CTNND1: variants seen among roughly 807,000 people sequenced by gnomAD.
CTNND1 encodes catenin delta 1.
In CTNND1, 16 loss-of-function variants were observed where a neutral mutation model predicts 112.1. The observed-to-expected ratio is 0.14, with a 90% CI of 0.10 to 0.22. The LOEUF (loss-of-function observed/expected upper bound fraction) is 0.22, where lower values mean the gene tolerates loss of function less well. Among genes scored for constraint, CTNND1 ranks in the 10% least tolerant of loss-of-function variants. The probability of loss-of-function intolerance (pLI) is 1.00; values close to 1 mark genes in which losing one functional copy is unlikely to be tolerated. For missense variants in CTNND1, 1,008 were observed against 1,257.0 expected (o/e 0.80, Z 3.00); for synonymous variants, 420 against 446.5 (o/e 0.94, Z 0.75).
intron 1 of CTNND1, among the ~76,000 whole-genome samples, chr11:57,782,258 G>A (rs1309539641): frequency 6.6e-6 from 1 of 152,166 alleles, no homozygotes; most frequent in East Asian, 1.9e-4. Flanking sequence ...TTCCTAAGAG[G>A]AGGGTGGTCT....
chr11:57,804,456 C>T (rs774877820), intron 8 of CTNND1, among the ~76,000 whole-genome samples: 1 of 152,160 alleles, frequency 6.6e-6, no homozygotes, highest in African/African-American at 2.4e-5. Flanking sequence ...TGGTACATAT[C>T]ATTAATCCCT....
At chr11:57,814,744 T>C (rs902283624) in intron 18 of CTNND1, among the ~76,000 whole-genome samples, 40 of 152,124 alleles carry the variant, frequency 2.6e-4, no homozygotes, top group Admixed American at 2.6e-3. Context: ...ATTCTGCTCA[T>C]GTAATACCTC....
At chr11:57,814,274 T>C (rs372847739) in intron 17 of CTNND1, 37 bp from the exon 18 acceptor site, 1 of 1,520,106 alleles carries the variant, frequency 6.6e-7, no homozygotes, top group Non-Finnish European at 9.1e-7. Flanking sequence ...TTTTGAAGAA[T>C]TGTTTTTGAC....
chr11:57,796,680 G>T lies in CTNND1; in HGVS notation c.644G>T (p.Arg215Leu). ...CACTACCCTCCTGATGGTTATAGTC[G>T]CCACTATGAAGATGGTTATCCAGGT... The part of the protein sequence containing the change: ...NFHYPPDGYS[R>L]HYEDGYPGGS... Residue 215 changes from arginine to leucine, a missense_variant, in exon 6 of 21, where the codon CGC (arginine) becomes CTC (leucine). By Grantham distance (102) the Arg-to-Leu change is moderately radical (BLOSUM62 -2). Transcript: ENST00000399050. 1 of 1,613,970 alleles carries T rather than the reference G, an allele frequency of 6.2e-7. No homozygotes were observed. Among genetic ancestry groups the T allele is most frequent in the Non-Finnish European group, 8.5e-7 (1 of 1,179,896 alleles).
chr11:57,809,423 G>C lies in CTNND1; in HGVS notation c.2392G>C (p.Glu798Gln). 6.2e-7 allele frequency: 1 copy of C among 1,613,704 alleles called. No homozygotes were observed. The highest frequency in any genetic ancestry group is 2.2e-5 in the East Asian group (1 of 44,888). Residue 798 changes from glutamate to glutamine, a missense_variant, in exon 15 of 21, where the codon GAG (glutamate) becomes CAG (glutamine). By Grantham distance (29) the Glu-to-Gln change is conservative (BLOSUM62 2). Transcript: ENST00000399050. ...CTTGGAGGCTGCCAAAAAGCTTCGA[G>C]AGACACAGGGTATTGAGAAGCTGGT... Reference protein sequence around the residue: ...ENLEAAKKLRETQGIEKLVLI... With the variant: ...ENLEAAKKLRQTQGIEKLVLI...
chr11:57,764,519 CCTT>C (rs1256900176), intron 1 of CTNND1, among the ~76,000 whole-genome samples: 3 of 152,038 alleles, frequency 2.0e-5, no homozygotes, highest in Non-Finnish European at 4.4e-5. Flanking sequence ...TAATTTATCT[CCTT>C]CTATTTTGGT....
intron 1 of CTNND1, among the ~76,000 whole-genome samples, chr11:57,786,385 T>G (rs1179720026): frequency 6.6e-6 from 1 of 151,830 alleles, no homozygotes; most frequent in Non-Finnish European, 1.5e-5. Context: ...TACAAAAAAT[T>G]AGCCCGGTGT....
intron 11 of CTNND1, 84 bp downstream of exon 11, chr11:57,806,562 T>G: frequency 7.9e-7 from 1 of 1,262,456 alleles, no homozygotes; most frequent in South Asian, 1.3e-5. Context: ...TTGCCTAACC[T>G]TTCCCTGTCT....
At chr11:57,808,100 G>T in intron 12 of CTNND1, 65 bp from the exon 13 acceptor site, 1 of 1,540,186 alleles carries the variant, frequency 6.5e-7, no homozygotes. Context: ...CTGGACTCCA[G>T]CCAGCTAGAG....
At chr11:57,783,476 G>A (rs2059807015) in intron 1 of CTNND1, among the ~76,000 whole-genome samples, 1 of 151,958 alleles carries the variant, frequency 6.6e-6, no homozygotes, top group African/African-American at 2.4e-5. Flanking sequence ...TGGCTAACAC[G>A]GTGAAACCCC....
chr11:57,797,469 G>A (rs2061467091), intron 6 of CTNND1, among the ~76,000 whole-genome samples: 1 of 146,294 alleles, frequency 6.8e-6, no homozygotes, highest in Admixed American at 6.8e-5. Flanking sequence ...GACCTCTGGT[G>A]ATCCACCCGC....
At chr11:57,762,429 G>T (rs1373333681) in intron 1 of CTNND1, among the ~76,000 whole-genome samples, 2 of 152,156 alleles carry the variant, frequency 1.3e-5, no homozygotes, top group Admixed American at 6.6e-5. Context: ...TCAAAAGTTG[G>T]TTTTTTGGCA....
chr11:57,777,436 AT>A (rs1252703242), intron 1 of CTNND1, among the ~76,000 whole-genome samples: 9 of 152,022 alleles, frequency 5.9e-5, no homozygotes, highest in Admixed American at 1.3e-4. Context: ...TGCCCGGCAA[AT>A]TTTTTTATTT....
intron 6 of CTNND1, among the ~76,000 whole-genome samples, chr11:57,801,326 T>C (rs1003362153): frequency 3.3e-5 from 5 of 152,354 alleles, no homozygotes; most frequent in South Asian, 2.1e-4. Flanking sequence ...TTCTGTGGCA[T>C]TGAGTCAGTT....
At chr11:57,791,299 G>A in intron 2 of CTNND1, 86 bp from the exon 3 acceptor site, 3 of 1,154,618 alleles carry the variant, frequency 2.6e-6, no homozygotes, top group Non-Finnish European at 3.3e-6. Context: ...ACCACGAGAG[G>A]GCATCTTTGG....
intron 8 of CTNND1, among the ~76,000 whole-genome samples, chr11:57,804,162 G>A (rs2062363393): frequency 6.6e-6 from 1 of 152,208 alleles, no homozygotes; most frequent in African/African-American, 2.4e-5. Context: ...AAGTCAGGCT[G>A]TGATAAATTC....
At chr11:57,801,423 T>C (rs2062011298) in intron 6 of CTNND1, among the ~76,000 whole-genome samples, 1 of 152,234 alleles carries the variant, frequency 6.6e-6, no homozygotes, top group South Asian at 2.1e-4. Context: ...AAATAAATGA[T>C]AAGTAGTAAG....
At chr11:57,789,204 G>T in intron 2 of CTNND1, 49 bp downstream of exon 2, 1 of 1,247,874 alleles carries the variant, frequency 8.0e-7, no homozygotes, top group South Asian at 1.7e-5. Flanking sequence ...TACTTTTTAA[G>T]AAATATGTAT....
intron 1 of CTNND1, among the ~76,000 whole-genome samples, chr11:57,773,856 G>A (rs1953459781): frequency 6.6e-6 from 1 of 151,944 alleles, no homozygotes. Flanking sequence ...GCAGGAGAAT[G>A]GCTTGAACCC....
Sources: allele counts gnomAD v4.1 joint callset (sites outside exome capture counted in the v4.1 genomes callset), GRCh38; gene constraint gnomAD v4.1.1; transcripts MANE v1.5; gene names NCBI Gene and HGNC (gene_info 2026-07-23, HGNC 2026-07-21).